The following PKHD1 variants were observed in gnomAD, a reference collection of about 807,000 sequenced individuals.
The protein encoded by PKHD1 is PKHD1 ciliary IPT domain containing fibrocystin/polyductin.
In PKHD1, 291 loss-of-function variants were observed where a neutral mutation model predicts 412.0. The ratio of observed to expected loss-of-function variants is 0.71; its 90% CI spans 0.64 to 0.78. PKHD1 has a LOEUF of 0.78. Ranked by LOEUF, PKHD1 falls within the 30% of genes least tolerant of loss-of-function variation. PKHD1 has a pLI of 0.00. For synonymous variants in PKHD1, 1,777 were observed against 1,821.5 expected (o/e 0.98, Z 0.62); for missense variants, 4,825 against 4,950.7 (o/e 0.97, Z 0.76).
intron 55 of PKHD1, among the ~76,000 whole-genome samples, chr6:51,766,852 A>C (rs1789136143): frequency 6.6e-6 from 1 of 152,046 alleles, no homozygotes; most frequent in East Asian, 1.9e-4. Flanking sequence ...GACATGCAGA[A>C]ATATTGACCT....
At chr6:51,705,629 A>G (rs1779929334) in intron 60 of PKHD1, among the ~76,000 whole-genome samples, 1 of 152,176 alleles carries the variant, frequency 6.6e-6, no homozygotes, top group East Asian at 1.9e-4. Context: ...TGTCTCTCCC[A>G]TAGGGCCCCA....
intron 37 of PKHD1, among the ~76,000 whole-genome samples, chr6:51,915,757 T>C (rs2127682460): frequency 6.6e-6 from 1 of 152,054 alleles, no homozygotes; most frequent in South Asian, 2.1e-4. Flanking sequence ...CCCTACTACC[T>C]TCCTAAATGG....
intron 55 of PKHD1, among the ~76,000 whole-genome samples, chr6:51,759,365 T>C (rs1787594004): frequency 6.6e-6 from 1 of 152,092 alleles, no homozygotes; most frequent in Admixed American, 6.6e-5. Context: ...CCACAAACCC[T>C]TCACCAAAGG....
At position 51,766,743 on chromosome 6, in the gene PKHD1, C is replaced by T. The variant is rs115754152; in HGVS notation, c.8642+5959G>A. 4.1e-3 allele frequency among the ~76,000 whole-genome samples: 617 copies of T among 151,230 alleles called. 3 individuals carry two copies. The highest frequency in any genetic ancestry group is 0.014 in the African/African-American group (586 of 41,188). On this transcript the variant is annotated intron_variant, in intron 55 of 66. Transcript: ENST00000371117. ...CTTTAAGTTTTAGGGTACATGTGCA[C>T]AGGGAGGGATAGCATTAGGAAATAT...
chr6:51,780,215 G>T (rs1450795466), intron 53 of PKHD1, among the ~76,000 whole-genome samples: 1 of 151,954 alleles, frequency 6.6e-6, no homozygotes, highest in Non-Finnish European at 1.5e-5. Flanking sequence ...GTGAAACCTT[G>T]TCTCTACTAA....
intron 35 of PKHD1, among the ~76,000 whole-genome samples, chr6:51,982,170 C>CA (rs1562050783): frequency 2.4e-5 from 1 of 42,552 alleles, no homozygotes; most frequent in Admixed American, 3.3e-4. Context: ...GCAGCCACCC[C>CA]GTCCGGGAGG....
chr6:51,841,267 C>T (rs1034161705), intron 50 of PKHD1, among the ~76,000 whole-genome samples: 2 of 152,210 alleles, frequency 1.3e-5, no homozygotes, highest in African/African-American at 4.8e-5. Context: ...GGTTGCACCA[C>T]CTATGACCTG....
intron 27 of PKHD1, among the ~76,000 whole-genome samples, chr6:52,041,540 A>G (rs1418964204): frequency 6.6e-6 from 1 of 152,208 alleles, no homozygotes; most frequent in Non-Finnish European, 1.5e-5. Context: ...ATTAATAGAA[A>G]AAGTTTAAAT....
intron 35 of PKHD1, among the ~76,000 whole-genome samples, chr6:51,966,373 A>G (rs1403603384): frequency 6.6e-6 from 1 of 152,176 alleles, no homozygotes; most frequent in African/African-American, 2.4e-5. Context: ...AGCTTTTACA[A>G]AGGAGGCAAT....
chr6:51,667,753 T>C (rs1487703632), intron 60 of PKHD1, among the ~76,000 whole-genome samples: 2 of 149,364 alleles, frequency 1.3e-5, no homozygotes, highest in African/African-American at 2.5e-5. Flanking sequence ...CAGTTTCAGC[T>C]TTCTACATAT....
At chr6:51,811,731 C>T (rs1764713438) in intron 52 of PKHD1, among the ~76,000 whole-genome samples, 1 of 151,952 alleles carries the variant, frequency 6.6e-6, no homozygotes, top group African/African-American at 2.4e-5. Context: ...AGGATAGAAA[C>T]TGATATGTAG....
chr6:51,920,518 T>A (rs561322483), intron 37 of PKHD1, among the ~76,000 whole-genome samples: 1 of 152,344 alleles, frequency 6.6e-6, no homozygotes, highest in African/African-American at 2.4e-5. Context: ...TGCTGCTGGA[T>A]TTGGTTTGCC....
chr6:51,721,385 TACCAA>T, intron 60 of PKHD1: 1 of 456,062 alleles, frequency 2.2e-6, no homozygotes, highest in Non-Finnish European at 2.9e-6. Context: ...ATTATTAATA[TACCAA>T]TAATAATATA....
chr6:51,982,922 C>T (rs1795741167), intron 35 of PKHD1, among the ~76,000 whole-genome samples: 1 of 85,906 alleles, frequency 1.2e-5, no homozygotes, highest in South Asian at 3.4e-4. Flanking sequence ...GTATCCACAT[C>T]TTAACCACAT....
intron 36 of PKHD1, among the ~76,000 whole-genome samples, chr6:51,943,901 T>A (rs976454069): frequency 2.0e-5 from 3 of 151,366 alleles, no homozygotes; most frequent in African/African-American, 7.3e-5. Flanking sequence ...TATCTCTCCA[T>A]ACCACCCCCA....
chr6:51,648,959 G>C (rs1218554201), intron 62 of PKHD1, 126 bp downstream of exon 62: 7 of 881,506 alleles, frequency 7.9e-6, no homozygotes, highest in Non-Finnish European at 1.1e-5. Flanking sequence ...GAAGCTCTAA[G>C]TGCAACAAAT....
At chr6:51,928,641 C>A (rs937252053) in intron 37 of PKHD1, among the ~76,000 whole-genome samples, 5 of 151,928 alleles carry the variant, frequency 3.3e-5, no homozygotes, top group African/African-American at 9.7e-5. Flanking sequence ...CTTTGGGAGG[C>A]CTCCCCTGGT....
intron 39 of PKHD1, among the ~76,000 whole-genome samples, chr6:51,910,422 T>G (rs1358951506): frequency 2.0e-5 from 3 of 152,176 alleles, no homozygotes; most frequent in Admixed American, 6.5e-5. Flanking sequence ...GTATGCCTTA[T>G]CACAATTTGA....
intron 37 of PKHD1, among the ~76,000 whole-genome samples, chr6:51,924,123 A>G (rs1785154841): frequency 6.6e-6 from 1 of 152,196 alleles, no homozygotes; most frequent in Non-Finnish European, 1.5e-5. Context: ...ACCCAATTCA[A>G]TGATACTCTT....
Sources: gnomAD v4.1 joint callset for allele counts (sites outside exome capture counted in the v4.1 genomes callset) on GRCh38, gnomAD v4.1.1 for gene constraint, MANE v1.5 for transcripts, NCBI Gene and HGNC (gene_info 2026-07-23, HGNC 2026-07-21) for gene names.